GRHL2: variants seen among roughly 807,000 people sequenced by gnomAD.
GRHL2 encodes the protein grainyhead like transcription factor 2.
Under a neutral mutation model 83.8 loss-of-function variants are expected in GRHL2, and 21 were observed. The ratio of observed to expected loss-of-function variants is 0.25; its 90% CI spans 0.18 to 0.36. The LOEUF (loss-of-function observed/expected upper bound fraction) is 0.36, where lower values mean the gene tolerates loss of function less well. Among genes scored for constraint, GRHL2 ranks in the 10% least tolerant of loss-of-function variants. The pLI is 1.00. For synonymous variants in GRHL2, 280 were observed against 278.9 expected, an observed-to-expected ratio of 1.00 and a Z score of -0.04; for missense variants, 623 against 781.8, an observed-to-expected ratio of 0.80 and a Z score of 2.42.
At chr8:101,600,292 T>C (rs6468782) in intron 8 of GRHL2, among the ~76,000 whole-genome samples, 78,729 of 151,668 alleles carry the variant, frequency 0.52, 22,437 homozygotes, top group African/African-American at 0.76. Flanking sequence ...CCATGGGGTG[T>C]GAGGTTGGTC....
chr8:101,656,746 T>G (rs1813794282), intron 14 of GRHL2, among the ~76,000 whole-genome samples: 1 of 152,196 alleles, frequency 6.6e-6, no homozygotes, highest in Non-Finnish European at 1.5e-5. Flanking sequence ...ATAGGATTGT[T>G]GTGAGGATAA....
At chr8:101,665,581 C>T (rs1011457983) in intron 15 of GRHL2, among the ~76,000 whole-genome samples, 2 of 152,160 alleles carry the variant, frequency 1.3e-5, no homozygotes, top group African/African-American at 4.8e-5. Context: ...AGATTTCAGT[C>T]GTGTCTCACA....
At chr8:101,630,422 A>C (rs923183400) in intron 9 of GRHL2, among the ~76,000 whole-genome samples, 1 of 152,148 alleles carries the variant, frequency 6.6e-6, no homozygotes, top group South Asian at 2.1e-4. Flanking sequence ...ACCATTATTT[A>C]TATATTAAGG....
chr8:101,628,233 T>G (rs572337620), intron 9 of GRHL2, among the ~76,000 whole-genome samples: 22 of 152,216 alleles, frequency 1.4e-4, no homozygotes, highest in African/African-American at 4.3e-4. Flanking sequence ...TAGGGGCTAA[T>G]GCAGCTGCTC....
intron 14 of GRHL2, among the ~76,000 whole-genome samples, chr8:101,661,080 T>C (rs772500163): frequency 2.8e-4 from 42 of 152,376 alleles, no homozygotes; most frequent in Non-Finnish European, 4.7e-4. Flanking sequence ...AAGATAGCTT[T>C]GAATATGGCC....
intron 14 of GRHL2, among the ~76,000 whole-genome samples, chr8:101,659,117 C>T (rs1168719142): frequency 2.6e-5 from 4 of 152,166 alleles, no homozygotes; most frequent in Non-Finnish European, 4.4e-5. Context: ...GAAACATGTG[C>T]TCCTTATTCA....
At chr8:101,673,016 C>T (rs1465838695), downstream of GRHL2, among the ~76,000 whole-genome samples, 2 of 150,252 alleles carry the variant, frequency 1.3e-5, no homozygotes, top group African/African-American at 4.9e-5. Flanking sequence ...GAGATTTTGT[C>T]ACCACCAGGC....
chr8:101,537,264 T>C (rs1811063002), intron 1 of GRHL2, among the ~76,000 whole-genome samples: 2 of 152,070 alleles, frequency 1.3e-5, no homozygotes, highest in Non-Finnish European at 1.5e-5. Flanking sequence ...CTGTTAGTCA[T>C]TAAAGTAGAG....
chr8:101,535,647 T>C (rs984509918), intron 1 of GRHL2, among the ~76,000 whole-genome samples: 1 of 152,162 alleles, frequency 6.6e-6, no homozygotes, highest in Non-Finnish European at 1.5e-5. Context: ...CAAGCAATTT[T>C]CCTGCCTCAG....
chr8:101,617,695 G>C lies in GRHL2; in HGVS notation c.1099-1844G>C, dbSNP rs1812883602. 2.0e-5 allele frequency among the ~76,000 whole-genome samples: 3 copies of C among 152,028 alleles called. No homozygotes were observed. In the South Asian group the frequency reaches 6.2e-4, roughly 32 times the overall value. On this transcript the variant is annotated intron_variant, in intron 8 of 15. Coordinates refer to ENST00000646743, the MANE Select transcript of GRHL2 (RefSeq NM_024915.4). ...AATTTTTAAACTTTTTGTAGAGATG[G>C]GATCTCACTATGTTGCCCAGGCTGA...
intron 13 of GRHL2, among the ~76,000 whole-genome samples, chr8:101,646,206 C>G (rs1268028540): frequency 6.6e-6 from 1 of 152,212 alleles, no homozygotes; most frequent in East Asian, 1.9e-4. Context: ...AACTCACCAT[C>G]AAATATTCCA....
rs1811445147 is a variant in GRHL2, at chr8:101,554,205, T to A, written c.284+1423T>A. 1.3e-5 allele frequency among the ~76,000 whole-genome samples: 2 copies of A among 152,198 alleles called. 1 individual carries two copies. The highest frequency in any genetic ancestry group is 4.1e-4 in the South Asian group (2 of 4,828). On this transcript the variant is annotated intron_variant, in intron 3 of 15. Coordinates refer to ENST00000646743, the MANE Select transcript of GRHL2 (RefSeq NM_024915.4). ...CAGCAGAACATGAAGGCTGCCTGCA[T>A]CTGAGTCACTGTTCCATTAGGGATC...
intron 1 of GRHL2, among the ~76,000 whole-genome samples, chr8:101,502,318 G>C (rs1810246364): frequency 6.6e-6 from 1 of 152,144 alleles, no homozygotes; most frequent in Admixed American, 6.5e-5. Flanking sequence ...CACAGCAGGG[G>C]CCATGAACAT....
intron 8 of GRHL2, among the ~76,000 whole-genome samples, chr8:101,618,075 G>A (rs149693461): frequency 3.9e-5 from 6 of 152,254 alleles, no homozygotes; most frequent in Middle Eastern, 3.4e-3. Flanking sequence ...AGTACCAAGA[G>A]TATAATATAG....
chr8:101,626,262 TAATC>T (rs967773019), intron 9 of GRHL2, among the ~76,000 whole-genome samples: 23 of 152,164 alleles, frequency 1.5e-4, no homozygotes, highest in East Asian at 1.4e-3. Context: ...GATTTCTAAT[TAATC>T]AATCAATTAA....
chr8:101,665,109 T>G (rs572548151), intron 15 of GRHL2, among the ~76,000 whole-genome samples: 1 of 152,288 alleles, frequency 6.6e-6, no homozygotes, highest in African/African-American at 2.4e-5. Flanking sequence ...GCTGATTTAT[T>G]GATGAAGAAA....
intron 1 of GRHL2, among the ~76,000 whole-genome samples, chr8:101,536,339 G>A (rs986048705): frequency 1.3e-5 from 2 of 152,160 alleles, no homozygotes; most frequent in Admixed American, 1.3e-4. Flanking sequence ...GAAAGTTGAA[G>A]GCATGAAGAG....
At chr8:101,595,829 CAAAG>C (rs1812379036) in intron 7 of GRHL2, among the ~76,000 whole-genome samples, 1 of 151,700 alleles carries the variant, frequency 6.6e-6, no homozygotes, top group Admixed American at 6.6e-5. Flanking sequence ...ATTTTTAAAA[CAAAG>C]AAAAGGGCTG....
intron 1 of GRHL2, among the ~76,000 whole-genome samples, chr8:101,504,342 A>C (rs1810291736): frequency 6.6e-6 from 1 of 152,250 alleles, no homozygotes; most frequent in African/African-American, 2.4e-5. Flanking sequence ...GTGATTTTTC[A>C]AAATAGCAAA....
Sources: allele counts gnomAD v4.1 joint callset (sites outside exome capture counted in the v4.1 genomes callset), GRCh38; gene constraint gnomAD v4.1.1; transcripts MANE v1.5; gene names NCBI Gene and HGNC (gene_info 2026-07-23, HGNC 2026-07-21).